Variants in UBE2W observed in about 807,000 individuals in gnomAD.
UBE2W encodes the protein ubiquitin conjugating enzyme E2 W, also known as ubiquitin-conjugating enzyme E2 W.
A neutral mutation model predicts 27.2 loss-of-function variants in UBE2W; 18 were observed. That is an observed-to-expected ratio of 0.66 (90% CI 0.46 to 0.98). The LOEUF (loss-of-function observed/expected upper bound fraction) is 0.98, where lower values mean the gene tolerates loss of function less well. UBE2W is among the 50% of genes least tolerant of loss of function. The probability of loss-of-function intolerance (pLI) is 0.00; values close to 1 mark genes in which losing one functional copy is unlikely to be tolerated. For missense variants in UBE2W, 90 were observed against 180.2 expected, an observed-to-expected ratio of 0.50 and a Z score of 2.87; for synonymous variants, 53 against 57.2, an observed-to-expected ratio of 0.93 and a Z score of 0.33.
Position 73,834,729 on chromosome 8 carries a change from C to T in UBE2W, c.16-4257G>A, listed in dbSNP as rs562307915. Reference sequence around the variant, plus strand: ...TTCAAGACTAGCCTGGGCAACATGGCGAAACCTCGTCTCTACTACAAATAC... The same window carrying T: ...TTCAAGACTAGCCTGGGCAACATGGTGAAACCTCGTCTCTACTACAAATAC... On this transcript the variant is annotated intron_variant, in intron 1 of 5. Coordinates refer to ENST00000602593, the MANE Select transcript of UBE2W (RefSeq NM_018299.6). Among the ~76,000 whole-genome samples, 13 of 152,018 alleles carry T rather than the reference C, an allele frequency of 8.6e-5. No individual in the cohort carries two copies. The South Asian group carries it at 2.5e-3, about 29-fold the overall frequency.
chr8:73,787,173 T>C lies in UBE2W; in HGVS notation c.*6929A>G. 2.0e-6 allele frequency: 2 copies of C among 985,430 alleles called. No homozygotes were observed. The highest frequency in any genetic ancestry group is 2.4e-6 in the Non-Finnish European group (2 of 829,934). 61.0% of individuals were successfully genotyped at this position (985,430 alleles called of 1,614,324 possible). On this transcript the variant is annotated 3_prime_UTR_variant, in exon 6 of 6. Coordinates refer to ENST00000602593, the MANE Select transcript of UBE2W (RefSeq NM_018299.6). ...TAAATCTTACAGGCAACTAAAAAAA[T>C]GGTTGAAAGGGGCTCCCAACAGGAC...
intron 1 of UBE2W, among the ~76,000 whole-genome samples, chr8:73,839,956 G>A (rs888430538): frequency 4.0e-5 from 6 of 151,740 alleles, no homozygotes; most frequent in African/African-American, 1.2e-4. Flanking sequence ...AGCTGGTCTC[G>A]AACTCCTGGC....
intron 5 of UBE2W, among the ~76,000 whole-genome samples, chr8:73,796,223 G>A (rs529484872): frequency 4.6e-5 from 7 of 151,952 alleles, no homozygotes; most frequent in Non-Finnish European, 7.4e-5. Context: ...AGGGTTGGTC[G>A]CTGAAACTAA....
At chr8:73,818,096 G>T (rs1809466999) in intron 3 of UBE2W, among the ~76,000 whole-genome samples, 1 of 152,044 alleles carries the variant, frequency 6.6e-6, no homozygotes, top group Admixed American at 6.5e-5. Context: ...GTTTTTCTTT[G>T]CCCCCTTAGA....
chr8:73,811,969 TCTAG>T (rs1563583786), intron 3 of UBE2W, among the ~76,000 whole-genome samples: 2 of 152,054 alleles, frequency 1.3e-5, no homozygotes, highest in Non-Finnish European at 2.9e-5. Flanking sequence ...ATTTTAAATA[TCTAG>T]CTATGAATCT....
At chr8:73,824,805 C>A (rs1398774490) in intron 3 of UBE2W, among the ~76,000 whole-genome samples, 2 of 152,230 alleles carry the variant, frequency 1.3e-5, no homozygotes, top group African/African-American at 2.4e-5. Flanking sequence ...ATGCTGCTCA[C>A]CTCCTGTGTG....
chr8:73,814,926 G>A (rs1586469139), intron 3 of UBE2W, among the ~76,000 whole-genome samples: 1 of 152,218 alleles, frequency 6.6e-6, no homozygotes, highest in East Asian at 1.9e-4. Context: ...CTCAGGGTAT[G>A]TATCATTTTG....
At chr8:73,782,611 T>C (rs762130589), downstream of UBE2W, among the ~76,000 whole-genome samples, 52 of 152,220 alleles carry the variant, frequency 3.4e-4, no homozygotes, top group Non-Finnish European at 7.3e-5. Context: ...ATTTTATGAC[T>C]GAATATTATT....
Position 73,805,752 on chromosome 8 carries a change from G to C in UBE2W, c.367-26C>G, listed in dbSNP as rs182241620. 2.2e-6 allele frequency: 3 copies of C among 1,387,688 alleles called. No individual in the cohort carries two copies. The African/African-American group carries it at 4.3e-5, about 20-fold the overall frequency. 86.0% of individuals were successfully genotyped at this position (1,387,688 alleles called of 1,614,324 possible). Reference sequence around the variant, plus strand: ...CTGAAACAAAAAATAATTTAAATAGGTTGAAAAACAGAAAAACTGAGAGGG... The same window carrying C: ...CTGAAACAAAAAATAATTTAAATAGCTTGAAAAACAGAAAAACTGAGAGGG... On this transcript the variant is annotated intron_variant, in intron 4 of 5. Transcript: ENST00000602593.
In UBE2W at chr8:73,793,090, A is replaced by G. The variant is rs911334276; in HGVS notation, c.*1012T>C. Reference sequence around the variant, plus strand: ...AAAGTTTCAATAAAAGTATTGTAACATTCAAACTTGACTTATAACAAAAGA... The same window carrying G: ...AAAGTTTCAATAAAAGTATTGTAACGTTCAAACTTGACTTATAACAAAAGA... On this transcript the variant is annotated 3_prime_UTR_variant, in exon 6 of 6. Coordinates refer to ENST00000602593, the MANE Select transcript of UBE2W (RefSeq NM_018299.6). 1 of 985,700 alleles carries G rather than the reference A, an allele frequency of 1.0e-6. No individual in the cohort carries two copies. Among genetic ancestry groups the G allele is most frequent in the African/African-American group, 1.7e-5 (1 of 57,242 alleles). The allele number at this position is 985,700 out of a possible 1,614,324, so 61.1% of individuals were successfully genotyped here. A position where few individuals can be genotyped will look rare whatever the true frequency, so the allele number is the denominator to read the frequency against.
chr8:73,782,228 T>G (rs1807859603), downstream of UBE2W, among the ~76,000 whole-genome samples: 1 of 152,100 alleles, frequency 6.6e-6, no homozygotes, highest in East Asian at 1.9e-4. Context: ...ATTACAGGCA[T>G]GAGCCACTGT....
At chr8:73,867,274 C>T (rs886273823) in intron 1 of UBE2W, among the ~76,000 whole-genome samples, 10 of 151,380 alleles carry the variant, frequency 6.6e-5, no homozygotes, top group Non-Finnish European at 1.3e-4. Context: ...CAGTGGCTCA[C>T]GCCTGTAATC....
chr8:73,877,727 C>A (rs1812291841), intron 1 of UBE2W, among the ~76,000 whole-genome samples: 1 of 152,200 alleles, frequency 6.6e-6, no homozygotes, highest in Non-Finnish European at 1.5e-5. Flanking sequence ...GAGCGTTCTA[C>A]TTTCTCTTCC....
rs1012852272 is a variant in UBE2W at position 73,790,029 on chromosome 8, G to A, written c.*4073C>T. The stretch of plus-strand genomic sequence containing the variant: ...TTACAGCTAACAGCTCATTTACCAA[G>A]TAGTCAATTATTCAACAAATTTAGC... On this transcript the variant is annotated 3_prime_UTR_variant, in exon 6 of 6. Coordinates refer to ENST00000602593, the MANE Select transcript of UBE2W (RefSeq NM_018299.6). The A allele has an allele frequency of 2.2e-5, 22 of 985,086 alleles. No homozygotes were observed. Among genetic ancestry groups the A allele is most frequent in the Non-Finnish European group, 2.2e-5 (18 of 829,852 alleles). 61.0% of individuals were successfully genotyped at this position (985,086 alleles called of 1,614,324 possible).
rs1273254497 is a variant in UBE2W at position 73,850,725 on chromosome 8, T to TTA, written c.16-20254_16-20253insTA. Among the ~76,000 whole-genome samples, 273 of 63,604 alleles carry TTA rather than the reference T, an allele frequency of 4.3e-3. 1 individual carries two copies. The highest frequency in any genetic ancestry group is 0.014 in the African/African-American group (257 of 17,734). 41.7% of individuals were successfully genotyped at this position (63,604 alleles called of 152,430 possible). ...TAGTGAGGTACAATCAGCAGGACAT[T>TTA]AAAAAAAAAAAAAAAAAAAAAAAAA... On this transcript the variant is annotated intron_variant, in intron 1 of 5. Coordinates refer to ENST00000602593, the MANE Select transcript of UBE2W (RefSeq NM_018299.6).
chr8:73,830,001 C>A (rs1021718498), intron 2 of UBE2W, among the ~76,000 whole-genome samples: 4 of 152,100 alleles, frequency 2.6e-5, no homozygotes, highest in Non-Finnish European at 5.9e-5. Context: ...GCATGGGATA[C>A]CTTTTGACTA....
intron 3 of UBE2W, among the ~76,000 whole-genome samples, chr8:73,820,657 G>A (rs1248991410): frequency 1.3e-5 from 2 of 152,026 alleles, no homozygotes; most frequent in East Asian, 3.9e-4. Context: ...TGGGAGAATG[G>A]TTTAAGCCCA....
chr8:73,787,278 T>A lies in UBE2W; in HGVS notation c.*6824A>T. 1.0e-6 allele frequency: 1 copy of A among 985,458 alleles called. No homozygotes were observed. The highest frequency in any genetic ancestry group is 1.7e-5 in the African/African-American group (1 of 57,370). 61.0% of individuals were successfully genotyped at this position (985,458 alleles called of 1,614,324 possible). A position where few individuals can be genotyped will look rare whatever the true frequency, so the allele number is the denominator to read the frequency against. On this transcript the variant is annotated 3_prime_UTR_variant, in exon 6 of 6. Transcript: ENST00000602593. ...GTCTCACTTGCTTCTTCAATTTAGCTTATGTTTAATTTTGTTACGTGTTAT... is the reference window on the plus strand; with the variant it reads ...GTCTCACTTGCTTCTTCAATTTAGCATATGTTTAATTTTGTTACGTGTTAT...
intron 4 of UBE2W, among the ~76,000 whole-genome samples, chr8:73,806,890 T>C (rs963971898): frequency 1.3e-5 from 2 of 152,202 alleles, no homozygotes; most frequent in African/African-American, 4.8e-5. Flanking sequence ...GCATTTCTAC[T>C]ATAATTGGCC....
Sources: allele counts gnomAD v4.1 joint callset (sites outside exome capture counted in the v4.1 genomes callset), GRCh38; gene constraint gnomAD v4.1.1; transcripts MANE v1.5; gene names NCBI Gene and HGNC (gene_info 2026-07-23, HGNC 2026-07-21).